Variants in BUD13 observed in about 807,000 individuals in gnomAD.
The protein encoded by BUD13 is BUD13 homolog.
In BUD13, 47 loss-of-function variants were observed where a neutral mutation model predicts 62.5. The ratio of observed to expected loss-of-function variants is 0.75; its 90% CI spans 0.60 to 0.96. The LOEUF is 0.96. Among genes scored for constraint, BUD13 ranks in the 40% least tolerant of loss-of-function variants. BUD13 has a pLI of 0.00. For missense variants in BUD13, 821 were observed against 790.9 expected, an observed-to-expected ratio of 1.04 and a Z score of -0.46; for synonymous variants, 293 against 280.1, an observed-to-expected ratio of 1.05 and a Z score of -0.46.
intron 5 of BUD13, among the ~76,000 whole-genome samples, chr11:116,759,596 T>C (rs2134176892): frequency 6.6e-6 from 1 of 152,324 alleles, no homozygotes; most frequent in South Asian, 2.1e-4. Flanking sequence ...ATATATTTCA[T>C]GGTAATAACA....
chr11:116,761,070 A>AT (rs374312645), intron 4 of BUD13, 118 bp from the exon 5 acceptor site: 37,219 of 618,734 alleles, frequency 0.06, 1 homozygote, highest in South Asian at 0.07. Context: ...CATTATTATT[A>AT]TTTTTTTTTT....
At chr11:116,764,297 G>T (rs764855884) in intron 3 of BUD13, among the ~76,000 whole-genome samples, 3 of 152,150 alleles carry the variant, frequency 2.0e-5, no homozygotes, top group Non-Finnish European at 4.4e-5. Context: ...CTTGTTAAAT[G>T]GATGAATTAA....
At chr11:116,767,814 A>C (rs1940558373) in intron 2 of BUD13, among the ~76,000 whole-genome samples, 1 of 151,648 alleles carries the variant, frequency 6.6e-6, no homozygotes, top group South Asian at 2.1e-4. Flanking sequence ...TCTACAAAAA[A>C]TACCCAAAAT....
In BUD13 at chr11:116,758,257, T is replaced by G. The variant is rs773482354; in HGVS notation, c.1499+12A>C. ...ACTGCCATCTTGTTTACCCTTTCAG[T>G]GGTTCCCTTACCCTTTTCCCCACTG... On this transcript the variant is annotated intron_variant, in intron 7 of 9. Transcript: ENST00000260210. 2 of 1,613,778 alleles carry G rather than the reference T, an allele frequency of 1.2e-6. No homozygotes were observed. Among genetic ancestry groups the G allele is most frequent in the Admixed American group, 3.3e-5 (2 of 59,966 alleles).
At chr11:116,754,146 A>C (rs1940286376) in intron 9 of BUD13, among the ~76,000 whole-genome samples, 1 of 152,198 alleles carries the variant, frequency 6.6e-6, no homozygotes, top group Non-Finnish European at 1.5e-5. Context: ...CCCTGGGCTC[A>C]GTGATCCTCC....
At chr11:116,770,108 G>T in intron 2 of BUD13, 21 bp downstream of exon 2, 7 of 1,496,432 alleles carry the variant, frequency 4.7e-6, no homozygotes, top group Non-Finnish European at 6.4e-6. Context: ...TCAAAATCCT[G>T]ACAGCCCCAA....
intron 7 of BUD13, 151 bp from the exon 8 acceptor site, chr11:116,758,101 AG>A (rs1360892941): frequency 2.2e-6 from 3 of 1,391,044 alleles, no homozygotes; most frequent in Non-Finnish European, 2.9e-6. Context: ...AATACCCACT[AG>A]AAGCGTGGAA....
At chr11:116,767,486 G>A (rs1013951288) in intron 2 of BUD13, among the ~76,000 whole-genome samples, 1 of 150,784 alleles carries the variant, frequency 6.6e-6, no homozygotes, top group Non-Finnish European at 1.5e-5. Flanking sequence ...CCAGCTACTC[G>A]GGAGGCTGAG....
At chr11:116,764,942 A>G (rs1001797726) in intron 3 of BUD13, among the ~76,000 whole-genome samples, 7 of 152,168 alleles carry the variant, frequency 4.6e-5, no homozygotes, top group Non-Finnish European at 1.0e-4. Flanking sequence ...CACAAACAGA[A>G]CAAAATACAC....
At chr11:116,770,266 C>T (rs770273542) in intron 1 of BUD13, 44 bp from the exon 2 acceptor site, 2 of 1,520,420 alleles carry the variant, frequency 1.3e-6, no homozygotes, top group South Asian at 2.4e-5. Flanking sequence ...TCTAGGATAC[C>T]AGCATAAAAA....
At chr11:116,772,062 G>A (rs1940639947) in intron 1 of BUD13, among the ~76,000 whole-genome samples, 1 of 152,066 alleles carries the variant, frequency 6.6e-6, no homozygotes, top group Non-Finnish European at 1.5e-5. Flanking sequence ...TTGTTGCTGT[G>A]TCTGTATCCA....
At chr11:116,755,800 AT>A (rs111344610) in intron 9 of BUD13, among the ~76,000 whole-genome samples, 147 of 151,442 alleles carry the variant, frequency 9.7e-4, no homozygotes, top group East Asian at 2.5e-3. Context: ...TAATTAGTTT[AT>A]TTTTTTTTGA....
chr11:116,768,793 G>T (rs1940574552), intron 2 of BUD13, among the ~76,000 whole-genome samples: 1 of 151,850 alleles, frequency 6.6e-6, no homozygotes, highest in Non-Finnish European at 1.5e-5. Flanking sequence ...CACGAGGTCA[G>T]GAGATCAAGA....
chr11:116,754,728 G>A (rs1940295707), intron 9 of BUD13, among the ~76,000 whole-genome samples: 1 of 152,172 alleles, frequency 6.6e-6, no homozygotes, highest in South Asian at 2.1e-4. Context: ...CATCTGCACT[G>A]AAGTGCTAGC....
At chr11:116,763,370 C>A in intron 3 of BUD13, 104 bp from the exon 4 acceptor site, 2 of 1,088,102 alleles carry the variant, frequency 1.8e-6, no homozygotes, top group Non-Finnish European at 2.6e-6. Flanking sequence ...TACCTCAGAA[C>A]TGCTCAGAAA....
At chr11:116,749,044 T>A (rs960657189) in intron 9 of BUD13, among the ~76,000 whole-genome samples, 2 of 149,972 alleles carry the variant, frequency 1.3e-5, no homozygotes, top group African/African-American at 4.9e-5. Flanking sequence ...TTAAGGCATA[T>A]GCAATAGAAT....
Position 116,757,902 on chromosome 11 carries a change from T to C in BUD13, c.1548A>G (p.Lys516=). Residue 516 remains lysine, a synonymous_variant, in exon 8 of 10, where the codon AAA becomes AAG. Transcript: ENST00000260210. ...AGCGGGCCAGAGGCTTTTGCATCTC[T>C]TTCATTGCATCCTCCACATTTTGTT... The part of the protein sequence containing the change: ...QQQQNVEDAM[K]EMQKPLARYI... 1 of 1,614,174 alleles carries C rather than the reference T, an allele frequency of 6.2e-7. No homozygotes were observed. Among genetic ancestry groups the C allele is most frequent in the East Asian group, 2.2e-5 (1 of 44,890 alleles).
In BUD13 at chr11:116,772,852, C is replaced by T. The variant is rs754674482; in HGVS notation, c.113G>A (p.Arg38Gln). Residue 38 changes from arginine (R) to glutamine (Q), a missense_variant, in exon 1 of 10, where the codon CGG becomes CAG. This residue lies in a region of BUD13 where 800 missense variants were observed against 739.2 expected (regional missense o/e 1.08). Transcript: ENST00000260210. ...GCCGCCGGCCCCGCCAGGCTTCGGC[C>T]GCTTTTTGCGACGCTTGCGACCGGA... is the stretch of plus-strand genomic sequence containing the variant. ...SESGRKRRKK[R>Q]PKPGGAGGKG... is the part of the protein sequence containing the mutation. 2.8e-5 allele frequency: 45 copies of T among 1,588,980 alleles called. No individual in the cohort carries two copies. Among genetic ancestry groups the T allele is most frequent in the Middle Eastern group, 1.7e-4 (1 of 6,018 alleles).
At chr11:116,750,569 ACCACAT>A (rs1370052872) in intron 9 of BUD13, among the ~76,000 whole-genome samples, 5 of 152,022 alleles carry the variant, frequency 3.3e-5, no homozygotes. Context: ...CTCACCCCTG[ACCACAT>A]CCCCACTTCC....
Sources: gnomAD v4.1 joint callset for allele counts (sites outside exome capture counted in the v4.1 genomes callset) on GRCh38, gnomAD v4.1.1 for gene constraint, gnomAD v4.1.1 regional missense constraint, MANE v1.5 for transcripts, NCBI Gene and HGNC (gene_info 2026-07-23, HGNC 2026-07-21) for gene names.